Variants in RPL13A observed in about 807,000 individuals in gnomAD.
RPL13A encodes ribosomal protein L13a.
A neutral mutation model predicts 30.8 loss-of-function variants in RPL13A; 4 were observed. The observed-to-expected ratio is 0.13, with a 90% CI of 0.06 to 0.30. RPL13A has a LOEUF of 0.30. Among genes scored for constraint, RPL13A ranks in the 10% least tolerant of loss-of-function variants. RPL13A has a pLI of 1.00. For missense variants in RPL13A, 196 were observed against 272.6 expected, an observed-to-expected ratio of 0.72 and a Z score of 1.98; for synonymous variants, 108 against 104.2, an observed-to-expected ratio of 1.04 and a Z score of -0.22.
At position 49,491,810 on chromosome 19, in the gene RPL13A, G is replaced by C; in HGVS notation, c.607G>C (p.Val203Leu). 1 of 1,605,122 alleles carries C rather than the reference G, an allele frequency of 6.2e-7. No individual in the cohort carries two copies. The highest frequency in any genetic ancestry group is 8.5e-7 in the Non-Finnish European group (1 of 1,175,556). ...TEVLKTHGLL[V>L] Reference sequence around the variant, plus strand: ...GGTCCTCAAGACCCACGGACTCCTGGTCTGAGCCCAATAAAGACTGTTAAT... The same window carrying C: ...GGTCCTCAAGACCCACGGACTCCTGCTCTGAGCCCAATAAAGACTGTTAAT... Residue 203 changes from valine to leucine, a missense_variant, in exon 8 of 8, where the codon GTC becomes CTC. Transcript: ENST00000391857.
chr19:49,489,270 C>T (rs892400092), intron 1 of RPL13A, among the ~76,000 whole-genome samples: 2 of 152,064 alleles, frequency 1.3e-5, no homozygotes, highest in Admixed American at 6.5e-5. Flanking sequence ...CCGAGGCACA[C>T]GGTTCACTTG....
intron 2 of RPL13A, 57 bp downstream of exon 2, chr19:49,489,979 G>A: frequency 1.5e-6 from 2 of 1,348,738 alleles, no homozygotes; most frequent in Non-Finnish European, 2.1e-6. Flanking sequence ...TCAGTGATGA[G>A]CAACATTCAC....
intron 2 of RPL13A, 149 bp from the exon 3 acceptor site, chr19:49,490,083 C>T: frequency 9.7e-7 from 1 of 1,035,642 alleles, no homozygotes; most frequent in South Asian, 1.3e-5. Flanking sequence ...GGACTCCAGG[C>T]TCAAGAAGTA....
chr19:49,490,091 G>A lies in RPL13A; in HGVS notation c.89-141G>A, dbSNP rs748777194. Reference sequence around the variant, plus strand: ...GGGTTGGGGACTCCAGGCTCAAGAAGTAATTATGTATTAGGCTAGTTTTTC... The same window carrying A: ...GGGTTGGGGACTCCAGGCTCAAGAAATAATTATGTATTAGGCTAGTTTTTC... On this transcript the variant is annotated intron_variant, in intron 2 of 7. Coordinates refer to ENST00000391857, the MANE Select transcript of RPL13A (RefSeq NM_012423.4). The A allele has an allele frequency of 1.3e-5, 14 of 1,046,476 alleles. No homozygotes were observed. The East Asian group carries it at 3.3e-4, about 25-fold the overall frequency. 64.8% of individuals were successfully genotyped at this position (1,046,476 alleles called of 1,614,324 possible). A position where few individuals can be genotyped will look rare whatever the true frequency, so the allele number is the denominator to read the frequency against.
At chr19:49,491,183 A>G in intron 6 of RPL13A, 84 bp downstream of exon 6, 1 of 1,477,308 alleles carries the variant, frequency 6.8e-7, no homozygotes, top group South Asian at 1.1e-5. Flanking sequence ...CTGGCAGATG[A>G]TGTCCTTATC....
rs1231831849 is a variant in RPL13A, at chr19:49,492,114, G to A, written c.*299G>A. The stretch of plus-strand genomic sequence containing the variant: ...TATCTTGTGAGTGGGGCATCTGTTG[G>A]ACTTTCCACCTGGTCATATACTCTG... On this transcript the variant is annotated 3_prime_UTR_variant, in exon 8 of 8. Transcript: ENST00000391857. 8 of 367,228 alleles carry A rather than the reference G, an allele frequency of 2.2e-5. No homozygotes were observed. In the East Asian group the frequency reaches 4.7e-4, roughly 22 times the overall value. 22.7% of individuals were successfully genotyped at this position (367,228 alleles called of 1,614,324 possible).
At chr19:49,488,283 A>C (rs529105348) in intron 1 of RPL13A, among the ~76,000 whole-genome samples, 1 of 152,120 alleles carries the variant, frequency 6.6e-6, no homozygotes, top group Non-Finnish European at 1.5e-5. Context: ...GAATGGTTCC[A>C]CAAGGATGGG....
chr19:49,491,215 C>T (rs764326512), intron 6 of RPL13A, 116 bp downstream of exon 6: 1 of 1,349,456 alleles, frequency 7.4e-7, no homozygotes, highest in Admixed American at 1.7e-5. Flanking sequence ...TGCGGATGTC[C>T]CTGTGGGAAT....
chr19:49,489,388 C>G (rs781693100), intron 1 of RPL13A, among the ~76,000 whole-genome samples: 5 of 152,000 alleles, frequency 3.3e-5, no homozygotes, highest in Non-Finnish European at 5.9e-5. Flanking sequence ...GTAGTCCCAG[C>G]TACTCATGAG....
chr19:49,490,217 TTTCC>T lies in RPL13A; in HGVS notation c.89-14_89-11del. 6.2e-7 allele frequency: 1 copy of T among 1,613,820 alleles called. No homozygotes were observed. The highest frequency in any genetic ancestry group is 2.2e-5 in the East Asian group (1 of 44,892). On this transcript the variant is annotated splice_polypyrimidine_tract_variant and intron_variant, in intron 2 of 7. Coordinates refer to ENST00000391857, the MANE Select transcript of RPL13A (RefSeq NM_012423.4). ...TCAGGCGGCTCGGCCCTGCTAAGCC[TTTCC>T]CTCCCTCTAGGCCGGAAGGTGGTGG...
intron 7 of RPL13A, 48 bp from the exon 8 acceptor site, chr19:49,491,681 G>T: frequency 6.3e-7 from 1 of 1,591,436 alleles, no homozygotes; most frequent in South Asian, 1.1e-5. Flanking sequence ...TGTAATGAGG[G>T]CAATGCAACC....
rs770044395 is a variant in RPL13A at position 49,491,407 on chromosome 19, C to CT, written c.403-18_403-17insT. On this transcript the variant is annotated splice_polypyrimidine_tract_variant and intron_variant, in intron 6 of 7. Coordinates refer to ENST00000391857, the MANE Select transcript of RPL13A (RefSeq NM_012423.4). ...CCTTACAACTTCATTTGTTCACCCC[C>CT]CCCCCCCCCCCCCGCAGTTTGCCTA... The CT allele has an allele frequency of 8.0e-4, 245 of 307,174 alleles. 1 individual carries two copies. The highest frequency in any genetic ancestry group is 6.8e-3 in the African/African-American group (167 of 24,396). 19.0% of individuals were successfully genotyped at this position (307,174 alleles called of 1,614,324 possible). A position where few individuals can be genotyped will look rare whatever the true frequency, so the allele number is the denominator to read the frequency against.
chr19:49,489,618 TGA>T (rs2079844058), intron 1 of RPL13A, among the ~76,000 whole-genome samples: 1 of 152,232 alleles, frequency 6.6e-6, no homozygotes, highest in Non-Finnish European at 1.5e-5. Context: ...AACTCAGATA[TGA>T]GGGGAGTTTG....
chr19:49,491,106 C>T lies in RPL13A; in HGVS notation c.402+7C>T. 2 of 1,614,066 alleles carry T rather than the reference C, an allele frequency of 1.2e-6. No homozygotes were observed. Among genetic ancestry groups the T allele is most frequent in the African/African-American group, 1.3e-5 (1 of 75,048 alleles). Reference sequence around the variant, plus strand: ...TCTGAAGCCTACAAGAAAGGTGAGTCCCAGCTTACGCTGCACCATCTACTT... The same window carrying T: ...TCTGAAGCCTACAAGAAAGGTGAGTTCCAGCTTACGCTGCACCATCTACTT... On this transcript the variant is annotated splice_region_variant and intron_variant, in intron 6 of 7. Transcript: ENST00000391857.
Position 49,491,417 on chromosome 19 carries a change from C to CA in RPL13A, c.403-8_403-7insA. ...TCATTTGTTCACCCCCCCCCCCCCC[C>CA]CCCGCAGTTTGCCTATCTGGGGCGC... On this transcript the variant is annotated splice_polypyrimidine_tract_variant and splice_region_variant and intron_variant, in intron 6 of 7. Transcript: ENST00000391857. 1.8e-6 allele frequency: 2 copies of CA among 1,129,892 alleles called. No homozygotes were observed. The highest frequency in any genetic ancestry group is 2.4e-6 in the Non-Finnish European group (2 of 823,590). The allele number at this position is 1,129,892 out of a possible 1,614,324, so 70.0% of individuals were successfully genotyped here. A position where few individuals can be genotyped will look rare whatever the true frequency, so the allele number is the denominator to read the frequency against.
At chr19:49,488,666 G>A (rs1297818963) in intron 1 of RPL13A, among the ~76,000 whole-genome samples, 1 of 152,246 alleles carries the variant, frequency 6.6e-6, no homozygotes, top group Non-Finnish European at 1.5e-5. Flanking sequence ...AACAACCAGT[G>A]TGTGCTTCAT....
Position 49,490,586 on chromosome 19 carries a change from G to C in RPL13A, c.256+10G>C. ...TGGCGGACCGTGCGAGGTGAGCAGA[G>C]CGTGGGGACTGCAGGTGGTGACGGG... On this transcript the variant is annotated intron_variant, in intron 4 of 7. Coordinates refer to ENST00000391857, the MANE Select transcript of RPL13A (RefSeq NM_012423.4). 1 of 1,613,826 alleles carries C rather than the reference G, an allele frequency of 6.2e-7. No individual in the cohort carries two copies. The highest frequency in any genetic ancestry group is 8.5e-7 in the Non-Finnish European group (1 of 1,179,702).
intron 1 of RPL13A, 72 bp downstream of exon 1, chr19:49,487,716 T>C (rs1568685521): frequency 1.6e-5 from 23 of 1,413,540 alleles, no homozygotes; most frequent in Non-Finnish European, 2.1e-5. Flanking sequence ...TCGCACCCTC[T>C]CTGTCTTGCA....
intron 7 of RPL13A, 49 bp downstream of exon 7, chr19:49,491,596 C>A: frequency 6.4e-7 from 1 of 1,555,702 alleles, no homozygotes; most frequent in East Asian, 2.4e-5. Context: ...CCTGGACAGG[C>A]CTGGCAGGTG....
Sources: allele counts gnomAD v4.1 joint callset (sites outside exome capture counted in the v4.1 genomes callset), GRCh38; gene constraint gnomAD v4.1.1; transcripts MANE v1.5; gene names NCBI Gene and HGNC (gene_info 2026-07-23, HGNC 2026-07-21).